GABRB2: variants seen among roughly 807,000 people sequenced by gnomAD.
The protein encoded by GABRB2 is gamma-aminobutyric acid type A receptor subunit beta2.
A neutral mutation model predicts 54.7 loss-of-function variants in GABRB2; 16 were observed. The observed-to-expected ratio is 0.29, with a 90% CI of 0.20 to 0.44. The LOEUF is 0.44. Among genes scored for constraint, GABRB2 ranks in the 20% least tolerant of loss-of-function variants. The pLI is 1.00. For synonymous variants in GABRB2, 244 were observed against 233.8 expected, an observed-to-expected ratio of 1.04 and a Z score of -0.40; for missense variants, 355 against 644.0, an observed-to-expected ratio of 0.55 and a Z score of 4.86.
At chr5:161,327,123 G>T (rs1363569839) in intron 8 of GABRB2, 1 of 273,504 alleles carries the variant, frequency 3.7e-6, no homozygotes, top group East Asian at 1.7e-4. Flanking sequence ...CCTAGCATTA[G>T]AATAAAGATC....
chr5:161,355,576 GAATA>G (rs2113442319), intron 5 of GABRB2, among the ~76,000 whole-genome samples: 1 of 151,780 alleles, frequency 6.6e-6, no homozygotes, highest in South Asian at 2.1e-4. Context: ...AACTGTTTTT[GAATA>G]AATAAACTCT....
At chr5:161,531,378 G>T (rs945583271) in intron 3 of GABRB2, among the ~76,000 whole-genome samples, 58 of 152,044 alleles carry the variant, frequency 3.8e-4, no homozygotes, top group African/African-American at 1.4e-3. Flanking sequence ...TTGTTTAAAA[G>T]CCAGCTGTTC....
Position 161,336,784 on chromosome 5 carries a change from A to G in GABRB2, c.542-15T>C, listed in dbSNP as rs757312918. The G allele has an allele frequency of 3.7e-6, 6 of 1,608,224 alleles. No homozygotes were observed. Among genetic ancestry groups the G allele is most frequent in the East Asian group, 4.5e-5 (2 of 44,784 alleles). On this transcript the variant is annotated splice_polypyrimidine_tract_variant and intron_variant, in intron 5 of 9. Coordinates refer to ENST00000393959, the MANE Select transcript of GABRB2 (RefSeq NM_001371727.1). ...TGTGTATCCATCTGTGAAAGGAAAC[A>G]TACACACACACACACACAAATACAG... is the stretch of plus-strand genomic sequence containing the variant.
chr5:161,405,832 A>G (rs1364325646), intron 5 of GABRB2, among the ~76,000 whole-genome samples: 1 of 152,072 alleles, frequency 6.6e-6, no homozygotes, highest in Admixed American at 6.6e-5. Context: ...CAATATATCA[A>G]TCTATACTGA....
intron 8 of GABRB2, among the ~76,000 whole-genome samples, chr5:161,328,403 C>T (rs1481827219): frequency 6.6e-6 from 1 of 152,110 alleles, no homozygotes; most frequent in African/African-American, 2.4e-5. Context: ...GACTATATTA[C>T]CCTCTTTGCA....
At chr5:161,499,739 A>G (rs1037914274) in intron 3 of GABRB2, among the ~76,000 whole-genome samples, 2 of 152,204 alleles carry the variant, frequency 1.3e-5, no homozygotes, top group South Asian at 4.1e-4. Flanking sequence ...AAAAGCATGG[A>G]AAGGTCAAGC....
chr5:161,524,315 A>C (rs765193632), intron 3 of GABRB2, among the ~76,000 whole-genome samples: 86 of 150,988 alleles, frequency 5.7e-4, no homozygotes, highest in Non-Finnish European at 1.1e-3. Context: ...TTATAGTAGA[A>C]ATGTGACAGT....
chr5:161,409,344 C>T (rs899089938), intron 5 of GABRB2, among the ~76,000 whole-genome samples: 2 of 151,888 alleles, frequency 1.3e-5, no homozygotes, highest in African/African-American at 2.4e-5. Context: ...AAGTGAGATA[C>T]GTAAAGCCTA....
chr5:161,542,598 C>A (rs753964441), intron 3 of GABRB2, among the ~76,000 whole-genome samples: 25 of 152,296 alleles, frequency 1.6e-4, no homozygotes, highest in Non-Finnish European at 2.9e-4. Flanking sequence ...TTACAAGGAG[C>A]ATCACACTGA....
chr5:161,291,273 C>T lies in GABRB2; in HGVS notation c.*2808G>A, dbSNP rs1406198277. On this transcript the variant is annotated 3_prime_UTR_variant, in exon 10 of 10. Coordinates refer to ENST00000393959, the MANE Select transcript of GABRB2 (RefSeq NM_001371727.1). ...TGGCTGTTTATAATTAAAAGAAAAT[C>T]TATACATATGTATAAACTGATAGTA... 1 of 152,300 alleles carries T rather than the reference C, an allele frequency of 6.6e-6. No homozygotes were observed. Among genetic ancestry groups the T allele is most frequent in the Non-Finnish European group, 1.5e-5 (1 of 68,004 alleles). 9.4% of individuals were successfully genotyped at this position (152,300 alleles called of 1,614,324 possible).
chr5:161,305,291 C>T lies in GABRB2; in HGVS notation c.1192-10863G>A, dbSNP rs184870059. On this transcript the variant is annotated intron_variant, in intron 9 of 9. Coordinates refer to ENST00000393959, the MANE Select transcript of GABRB2 (RefSeq NM_001371727.1). ...TCGGCCTCCCAAAGTGCTGGGACTA[C>T]AGGCGTGAGCCACCACGCCCGGCCG... 5.5e-4 allele frequency among the ~76,000 whole-genome samples: 84 copies of T among 152,268 alleles called. 1 individual carries two copies. The highest frequency in any genetic ancestry group is 1.9e-3 in the African/African-American group (78 of 41,556).
chr5:161,488,041 T>C lies in GABRB2; in HGVS notation c.238-28197A>G, dbSNP rs181283208. On this transcript the variant is annotated intron_variant, in intron 3 of 9. Coordinates refer to ENST00000393959, the MANE Select transcript of GABRB2 (RefSeq NM_001371727.1). ...ATGAACACTTTTTTATATACCTTCC[T>C]TCACAAGAATAATTGATCAGGTGAA... Among the ~76,000 whole-genome samples the C allele has an allele frequency of 1.6e-3, 245 of 151,898 alleles. 1 individual carries two copies. The highest frequency in any genetic ancestry group is 8.0e-4 in the Non-Finnish European group (54 of 67,810).
chr5:161,498,281 C>T (rs1759318456), intron 3 of GABRB2, among the ~76,000 whole-genome samples: 1 of 151,854 alleles, frequency 6.6e-6, no homozygotes, highest in African/African-American at 2.4e-5. Flanking sequence ...CACATTAACT[C>T]TCCTGGATAT....
At chr5:161,513,746 T>C (rs542529213) in intron 3 of GABRB2, among the ~76,000 whole-genome samples, 2 of 152,138 alleles carry the variant, frequency 1.3e-5, no homozygotes, top group East Asian at 3.9e-4. Context: ...ACAGTATATC[T>C]GTAATAAACC....
intron 5 of GABRB2, among the ~76,000 whole-genome samples, chr5:161,350,608 G>A (rs558179684): frequency 6.6e-6 from 1 of 152,102 alleles, no homozygotes; most frequent in Non-Finnish European, 1.5e-5. Flanking sequence ...ATTGAAGGAT[G>A]TTCCTGAATA....
intron 3 of GABRB2, among the ~76,000 whole-genome samples, chr5:161,474,806 T>C (rs939493002): frequency 2.6e-5 from 4 of 152,014 alleles, no homozygotes; most frequent in African/African-American, 9.7e-5. Context: ...TTGGTTTTTA[T>C]ATCTGCTCAT....
intron 3 of GABRB2, among the ~76,000 whole-genome samples, chr5:161,505,954 A>G (rs936697158): frequency 2.0e-5 from 3 of 152,184 alleles, no homozygotes; most frequent in African/African-American, 7.2e-5. Flanking sequence ...CCAACGTGAT[A>G]AGTAAGTAAA....
intron 9 of GABRB2, among the ~76,000 whole-genome samples, chr5:161,319,662 T>C (rs1385138719): frequency 6.6e-6 from 1 of 151,580 alleles, no homozygotes; most frequent in Admixed American, 6.6e-5. Context: ...TGGTACCTTA[T>C]TTACGTTATG....
At chr5:161,504,532 C>A (rs1581040405) in intron 3 of GABRB2, among the ~76,000 whole-genome samples, 1 of 151,866 alleles carries the variant, frequency 6.6e-6, no homozygotes, top group East Asian at 1.9e-4. Context: ...TCTCAAAATT[C>A]TTGAAGCACA....
Sources: gnomAD v4.1 joint callset for allele counts (sites outside exome capture counted in the v4.1 genomes callset) on GRCh38, gnomAD v4.1.1 for gene constraint, MANE v1.5 for transcripts, NCBI Gene and HGNC (gene_info 2026-07-23, HGNC 2026-07-21) for gene names.